PCDH9: variants seen among roughly 807,000 people sequenced by gnomAD.
PCDH9 encodes the protein protocadherin-9.
PCDH9 carries 24 observed loss-of-function variants against 70.6 expected under a neutral mutation model. The observed-to-expected ratio is 0.34, with a 90% CI of 0.25 to 0.48. PCDH9 has a LOEUF of 0.48. Ranked by LOEUF, PCDH9 falls within the 20% of genes least tolerant of loss-of-function variation. The pLI, the probability that PCDH9 is intolerant of heterozygous loss-of-function variation, is 0.99. For missense variants in PCDH9, 1,281 were observed against 1,503.6 expected (o/e 0.85, Z 2.45); for synonymous variants, 562 against 558.5 (o/e 1.01, Z -0.09).
intron 4 of PCDH9, among the ~76,000 whole-genome samples, chr13:66,625,152 C>G (rs1367742970): frequency 6.6e-6 from 1 of 152,064 alleles, no homozygotes; most frequent in African/African-American, 2.4e-5. Context: ...TTTCTTTTAA[C>G]AAAATACAAT....
intron 3 of PCDH9, among the ~76,000 whole-genome samples, chr13:66,792,459 C>A (rs1021623059): frequency 2.0e-5 from 3 of 151,618 alleles, no homozygotes; most frequent in Admixed American, 6.6e-5. Flanking sequence ...CACCTGAGGT[C>A]AGGAGTTTGA....
intron 4 of PCDH9, among the ~76,000 whole-genome samples, chr13:66,544,825 T>C (rs886122579): frequency 2.0e-5 from 3 of 152,124 alleles, no homozygotes; most frequent in African/African-American, 4.8e-5. Flanking sequence ...TAATTAACAA[T>C]TAGAGCAGCT....
chr13:66,639,842 A>G (rs2077686102), intron 3 of PCDH9, among the ~76,000 whole-genome samples: 1 of 152,154 alleles, frequency 6.6e-6, no homozygotes, highest in African/African-American at 2.4e-5. Context: ...GCTATCAGAA[A>G]AGTCCTCAAC....
intron 2 of PCDH9, among the ~76,000 whole-genome samples, chr13:66,987,124 G>A (rs1240972735): frequency 6.6e-6 from 1 of 151,976 alleles, no homozygotes; most frequent in East Asian, 1.9e-4. Flanking sequence ...GAATATGTAT[G>A]TTCTTATAAT....
chr13:66,570,380 A>ATAAAATTGTG (rs1227122616), intron 4 of PCDH9, among the ~76,000 whole-genome samples: 50 of 152,152 alleles, frequency 3.3e-4, no homozygotes, highest in African/African-American at 1.2e-3. Context: ...TACACAGGAG[A>ATAAAATTGTG]TAAAATTGTG....
chr13:66,589,287 A>G (rs2077007731), intron 4 of PCDH9, among the ~76,000 whole-genome samples: 1 of 152,080 alleles, frequency 6.6e-6, no homozygotes, highest in African/African-American at 2.4e-5. Context: ...TGTCAGCTAG[A>G]TAGAAGGAAT....
intron 2 of PCDH9, among the ~76,000 whole-genome samples, chr13:67,132,005 A>C (rs1208588360): frequency 2.0e-5 from 3 of 152,066 alleles, no homozygotes; most frequent in Admixed American, 2.0e-4. Context: ...CAGTCAAATG[A>C]CTCCATAGAA....
At chr13:66,738,194 G>A (rs1330039658) in intron 3 of PCDH9, among the ~76,000 whole-genome samples, 6 of 152,008 alleles carry the variant, frequency 3.9e-5, no homozygotes, top group African/African-American at 7.2e-5. Context: ...CCTGACCCCC[G>A]AGCAGCCTAA....
chr13:67,059,386 T>C (rs1462343191), intron 2 of PCDH9, among the ~76,000 whole-genome samples: 1 of 139,356 alleles, frequency 7.2e-6, no homozygotes, highest in Admixed American at 7.2e-5. Context: ...ATATATATAG[T>C]ATATAGTATA....
At chr13:66,518,653 A>G (rs1959852586) in intron 4 of PCDH9, among the ~76,000 whole-genome samples, 1 of 152,162 alleles carries the variant, frequency 6.6e-6, no homozygotes, top group African/African-American at 2.4e-5. Flanking sequence ...AACCAATGAG[A>G]AAACGCCCGA....
intron 3 of PCDH9, among the ~76,000 whole-genome samples, chr13:66,694,747 A>G (rs1294173169): frequency 1.3e-5 from 2 of 151,986 alleles, no homozygotes; most frequent in Non-Finnish European, 2.9e-5. Context: ...GTGACTATAC[A>G]CATTATATAT....
At chr13:66,862,354 G>T (rs1224443921) in intron 3 of PCDH9, among the ~76,000 whole-genome samples, 1 of 152,198 alleles carries the variant, frequency 6.6e-6, no homozygotes, top group Non-Finnish European at 1.5e-5. Flanking sequence ...GTGTGTGGGT[G>T]TAGGGTTGTA....
intron 3 of PCDH9, among the ~76,000 whole-genome samples, chr13:66,659,248 C>A (rs549780922): frequency 1.3e-5 from 2 of 152,246 alleles, no homozygotes; most frequent in African/African-American, 4.8e-5. Flanking sequence ...GTTTCACTGT[C>A]AAATATATAA....
chr13:66,631,614 C>G (rs112705864), intron 3 of PCDH9, among the ~76,000 whole-genome samples: 1 of 152,102 alleles, frequency 6.6e-6, no homozygotes, highest in African/African-American at 2.4e-5. Flanking sequence ...AAAAGAATTT[C>G]AATCTTGTAT....
intron 4 of PCDH9, among the ~76,000 whole-genome samples, chr13:66,479,610 C>A (rs1186896619): frequency 2.0e-5 from 3 of 150,350 alleles, no homozygotes; most frequent in African/African-American, 7.3e-5. Flanking sequence ...TGTAAATGCA[C>A]CAATCAGCAC....
At chr13:66,523,303 A>G (rs1048558340) in intron 4 of PCDH9, among the ~76,000 whole-genome samples, 2 of 152,100 alleles carry the variant, frequency 1.3e-5, no homozygotes, top group African/African-American at 4.8e-5. Flanking sequence ...TAATAATGGG[A>G]GTAACCCTAC....
At chr13:66,404,662 G>GA (rs1957249369) in intron 4 of PCDH9, among the ~76,000 whole-genome samples, 1 of 152,094 alleles carries the variant, frequency 6.6e-6, no homozygotes, top group Non-Finnish European at 1.5e-5. Context: ...ATATGCCACT[G>GA]AAATTCATAA....
intron 2 of PCDH9, among the ~76,000 whole-genome samples, chr13:67,098,392 T>A (rs1322911055): frequency 2.6e-5 from 4 of 152,190 alleles, no homozygotes; most frequent in Non-Finnish European, 5.9e-5. Context: ...TTTAGGGAAG[T>A]GCCTTTTAAC....
chr13:66,824,300 A>C (rs2080769790), intron 3 of PCDH9, among the ~76,000 whole-genome samples: 1 of 124,232 alleles, frequency 8.0e-6, no homozygotes. Flanking sequence ...CATTTGTTTG[A>C]AAGTATATAT....
Sources: gnomAD v4.1 joint callset for allele counts (sites outside exome capture counted in the v4.1 genomes callset) on GRCh38, gnomAD v4.1.1 for gene constraint, MANE v1.5 for transcripts, NCBI Gene and HGNC (gene_info 2026-07-23, HGNC 2026-07-21) for gene names.